VPS13B: variants seen among roughly 807,000 people sequenced by gnomAD.
VPS13B encodes intermembrane lipid transfer protein VPS13B.
VPS13B carries 285 observed loss-of-function variants against 426.4 expected under a neutral mutation model. The observed-to-expected ratio is 0.67, with a 90% CI of 0.61 to 0.74. The LOEUF (loss-of-function observed/expected upper bound fraction) is 0.74, where lower values mean the gene tolerates loss of function less well. Ranked by LOEUF, VPS13B falls within the 30% of genes least tolerant of loss-of-function variation. VPS13B has a pLI of 0.00. For missense variants in VPS13B, 4,537 were observed against 4,782.6 expected, an observed-to-expected ratio of 0.95 and a Z score of 1.51; for synonymous variants, 1,676 against 1,676.4, an observed-to-expected ratio of 1.00 and a Z score of 0.01.
chr8:99,183,451 A>G (rs750353919), intron 16 of VPS13B, among the ~76,000 whole-genome samples: 2 of 152,258 alleles, frequency 1.3e-5, no homozygotes, highest in African/African-American at 2.4e-5. Context: ...AGTAGTTTGC[A>G]TTTGGTCTCT....
rs890671774 is a variant in VPS13B, at chr8:99,064,776, C to T, written c.291+26210C>T. Among the ~76,000 whole-genome samples the T allele has an allele frequency of 7.9e-5, 12 of 152,098 alleles. No individual in the cohort carries two copies. In the South Asian group the frequency reaches 1.0e-3, roughly 13 times the overall value. On this transcript the variant is annotated intron_variant, in intron 3 of 61. Transcript: ENST00000357162. ...TAGAGAACACCACAAAGATACTCTT[C>T]GAGAAGAGCAACTCCAAGACACATA... is the stretch of plus-strand genomic sequence containing the variant.
In VPS13B at chr8:99,170,074, T is replaced by C. The variant is rs146450992; in HGVS notation, c.2244T>C (p.Asp748=). Residue 748 remains aspartate, a synonymous_variant, in exon 16 of 62, where the codon GAT becomes GAC. Transcript: ENST00000357162. ...FGFQAGLTSL[D]CSGSYCLPVP... ...TCCAGGCAGGACTGACGTCTTTGGA[T>C]TGCAGTGGATCTTACTGCTTACCTG... is the stretch of plus-strand genomic sequence containing the variant. The C allele has an allele frequency of 4.0e-5, 64 of 1,613,018 alleles. No individual in the cohort carries two copies. The East Asian group carries it at 1.4e-3, about 35-fold the overall frequency.
intron 33 of VPS13B, among the ~76,000 whole-genome samples, chr8:99,623,691 G>A (rs2133897204): frequency 6.6e-6 from 1 of 152,258 alleles, no homozygotes; most frequent in African/African-American, 2.4e-5. Context: ...GATAGAAGTG[G>A]TAGAAGTGGG....
intron 3 of VPS13B, among the ~76,000 whole-genome samples, chr8:99,083,669 G>A (rs1198877284): frequency 1.2e-4 from 16 of 132,952 alleles, no homozygotes; most frequent in African/African-American, 3.2e-4. Flanking sequence ...AGCATGAAGC[G>A]TTGTTGAATT....
rs547179338 is a variant in VPS13B at position 99,641,916 on chromosome 8, G to T, written c.5326G>T (p.Val1776Phe). The change falls in exon 34 of 62, where the codon GTT (valine) becomes TTT (phenylalanine). Residue 1776 changes from valine (V) to phenylalanine (F), a missense_variant. By Grantham distance (50) the Val-to-Phe change is conservative. This residue lies in a region of VPS13B where 4,311 missense variants were observed against 4,474.3 expected (regional missense o/e 0.96). Coordinates refer to ENST00000357162, the MANE Select transcript of VPS13B (RefSeq NM_152564.5). ...AQDSGIGSDS[V>F]KIRIVQIEQH... is the part of the protein sequence containing the mutation. Reference sequence around the variant, plus strand: ...GGATAGTGGAATTGGCAGTGACAGTGTTAAAATCAGAATAGTGCAAATAGA... The same window carrying T: ...GGATAGTGGAATTGGCAGTGACAGTTTTAAAATCAGAATAGTGCAAATAGA... 93 of 1,614,112 alleles carry T rather than the reference G, an allele frequency of 5.8e-5. No homozygotes were observed. The South Asian group carries it at 8.5e-4, about 15-fold the overall frequency.
intron 54 of VPS13B, among the ~76,000 whole-genome samples, chr8:99,840,489 C>T (rs1175944556): frequency 6.6e-6 from 1 of 152,096 alleles, no homozygotes; most frequent in Non-Finnish European, 1.5e-5. Flanking sequence ...TCTACATGTT[C>T]ATCCAGGTCA....
At chr8:99,821,003 G>T (rs1028565010) in intron 49 of VPS13B, among the ~76,000 whole-genome samples, 3 of 151,036 alleles carry the variant, frequency 2.0e-5, no homozygotes, top group African/African-American at 7.3e-5. Flanking sequence ...TCACTGTTTG[G>T]GTTTGGTTTT....
Position 99,817,575 on chromosome 8 carries a change from C to T in VPS13B, c.8133C>T (p.Tyr2711=), listed in dbSNP as rs373542052. 2.5e-6 allele frequency: 4 copies of T among 1,613,908 alleles called. No individual in the cohort carries two copies. The African/African-American group carries it at 5.3e-5, about 22-fold the overall frequency. The change falls in exon 45 of 62, where the codon TAC becomes TAT. Residue 2711 remains tyrosine, a synonymous_variant. Coordinates refer to ENST00000357162, the MANE Select transcript of VPS13B (RefSeq NM_152564.5). ...IICGRQIICS[Y]LSQSIELKVV... is the part of the protein sequence containing the mutation. The stretch of plus-strand genomic sequence containing the variant: ...GTGGAAGACAGATCATCTGTAGTTA[C>T]TTGTCTCAAAGCATAGAACTAAAAG...
intron 19 of VPS13B, among the ~76,000 whole-genome samples, chr8:99,321,320 CTG>C (rs1809974545): frequency 6.7e-6 from 1 of 150,146 alleles, no homozygotes; most frequent in African/African-American, 2.5e-5. Context: ...AGTTATTCTC[CTG>C]CCTCAGTCTC....
chr8:99,140,836 C>A (rs1209148217), intron 12 of VPS13B, among the ~76,000 whole-genome samples: 1 of 152,128 alleles, frequency 6.6e-6, no homozygotes, highest in Admixed American at 6.6e-5. Flanking sequence ...ACAAGATAAG[C>A]ATCTTCTGAC....
At chr8:99,511,962 A>AC (rs1821812755) in intron 29 of VPS13B, among the ~76,000 whole-genome samples, 6 of 152,192 alleles carry the variant, frequency 3.9e-5, no homozygotes, top group Admixed American at 3.9e-4. Flanking sequence ...ACATAGTGAG[A>AC]CCCCATCTGT....
intron 5 of VPS13B, 54 bp from the exon 6 acceptor site, chr8:99,111,044 G>A: frequency 1.4e-6 from 2 of 1,395,436 alleles, no homozygotes; most frequent in Middle Eastern, 2.3e-4. Context: ...AATAATAGTT[G>A]CCTTTCCCCT....
At chr8:99,746,244 G>A (rs1282570279) in intron 39 of VPS13B, among the ~76,000 whole-genome samples, 12 of 152,014 alleles carry the variant, frequency 7.9e-5, no homozygotes. Context: ...TACTTCTCAG[G>A]TGACAGAATA....
intron 52 of VPS13B, 27 bp from the exon 53 acceptor site, chr8:99,835,170 C>G: frequency 6.2e-7 from 1 of 1,613,650 alleles, no homozygotes; most frequent in East Asian, 2.2e-5. Flanking sequence ...CTAAACATTT[C>G]TGTCATTTGA....
In VPS13B at chr8:99,875,913, C is replaced by CCAA. The variant is rs71274940; in HGVS notation, c.*250_*252dup. On this transcript the variant is annotated 3_prime_UTR_variant, in exon 62 of 62. Coordinates refer to ENST00000357162, the MANE Select transcript of VPS13B (RefSeq NM_152564.5). Reference sequence around the variant, plus strand: ...AACATCATCTGATATGGACACAAGGCCAACAGTTTCCTTATTTACATCCTT... The same window carrying CCAA: ...AACATCATCTGATATGGACACAAGGCCAACAACAGTTTCCTTATTTACATCCTT... 68,688 of 535,392 alleles carry CCAA rather than the reference C, an allele frequency of 0.13. 4,823 individuals are homozygous for CCAA. Among genetic ancestry groups the CCAA allele is most frequent in the Middle Eastern group, 0.15 (284 of 1,958 alleles). 33.2% of individuals were successfully genotyped at this position (535,392 alleles called of 1,614,324 possible).
intron 19 of VPS13B, among the ~76,000 whole-genome samples, chr8:99,355,221 A>G (rs1430638454): frequency 6.6e-6 from 1 of 152,182 alleles, no homozygotes; most frequent in Non-Finnish European, 1.5e-5. Flanking sequence ...AATGTAAATC[A>G]GCTTATGCCA....
chr8:99,055,220 G>C (rs1563510553), intron 3 of VPS13B, among the ~76,000 whole-genome samples: 1 of 151,814 alleles, frequency 6.6e-6, no homozygotes, highest in Non-Finnish European at 1.5e-5. Flanking sequence ...TGTATTTTTG[G>C]TAGAGACAAG....
At chr8:99,259,602 GC>G (rs1817936945) in intron 17 of VPS13B, among the ~76,000 whole-genome samples, 1 of 152,032 alleles carries the variant, frequency 6.6e-6, no homozygotes, top group Non-Finnish European at 1.5e-5. Flanking sequence ...TTTTGTGTTG[GC>G]CTTGATTGGG....
At chr8:99,712,759 C>CA (rs386360840) in intron 36 of VPS13B, among the ~76,000 whole-genome samples, 9,377 of 97,990 alleles carry the variant, frequency 0.096, 495 homozygotes, top group African/African-American at 0.19. Flanking sequence ...GTCCCCAAGC[C>CA]AAAAAAAAAA....
Sources: allele counts gnomAD v4.1 joint callset (sites outside exome capture counted in the v4.1 genomes callset), GRCh38; gene constraint gnomAD v4.1.1; regional missense constraint gnomAD v4.1.1; transcripts MANE v1.5; gene names NCBI Gene and HGNC (gene_info 2026-07-23, HGNC 2026-07-21).